The following TMEM72 variants were observed in gnomAD, a reference collection of about 807,000 sequenced individuals.
TMEM72 encodes the protein transmembrane protein 72.
Under a neutral mutation model 16.3 loss-of-function variants are expected in TMEM72, and 9 were observed. The ratio of observed to expected loss-of-function variants is 0.55; its 90% confidence interval spans 0.33 to 0.96. TMEM72 has a LOEUF of 0.96. Ranked by LOEUF, TMEM72 falls within the 40% of genes least tolerant of loss-of-function variation. The pLI is 0.03. For missense variants in TMEM72, 324 were observed against 337.8 expected (o/e 0.96, Z 0.32); for synonymous variants, 160 against 146.5 (o/e 1.09, Z -0.66).
At chr10:44,912,138 C>T (rs73277468) in intron 1 of TMEM72, among the ~76,000 whole-genome samples, 2,164 of 152,304 alleles carry the variant, frequency 0.014, 50 homozygotes, top group African/African-American at 0.048. Context: ...CCTGTAGGAA[C>T]CCAGACCCCT....
chr10:44,911,422 C>T lies in TMEM72; in HGVS notation c.-91C>T. 2 of 1,366,198 alleles carry T rather than the reference C, an allele frequency of 1.5e-6. No individual in the cohort carries two copies. Among genetic ancestry groups the T allele is most frequent in the Non-Finnish European group, 2.0e-6 (2 of 998,882 alleles). 84.6% of individuals were successfully genotyped at this position (1,366,198 alleles called of 1,614,324 possible). ...CCCGGTGTGCAGCCACAGCCAGCAG[C>T]CTCCTACCTACACAAGGGTGTTCGG... On this transcript the variant is annotated 5_prime_UTR_variant, in exon 1 of 5. Transcript: ENST00000389583.
chr10:44,919,564 G>C (rs1298136448), intron 1 of TMEM72, among the ~76,000 whole-genome samples: 1 of 152,122 alleles, frequency 6.6e-6, no homozygotes, highest in African/African-American at 2.4e-5. Flanking sequence ...AATATTTAGG[G>C]ATAAATCTGA....
At chr10:44,927,333 G>A (rs960681899) in intron 1 of TMEM72, among the ~76,000 whole-genome samples, 3 of 152,298 alleles carry the variant, frequency 2.0e-5, no homozygotes, top group African/African-American at 7.2e-5. Flanking sequence ...ACAGATGAAA[G>A]TTCAGCACTA....
intron 1 of TMEM72, among the ~76,000 whole-genome samples, chr10:44,925,300 T>G (rs901543823): frequency 6.6e-6 from 1 of 152,172 alleles, no homozygotes; most frequent in African/African-American, 2.4e-5. Context: ...TCAAAATAGC[T>G]CTCCACATGC....
At chr10:44,925,952 C>A (rs961466076) in intron 1 of TMEM72, among the ~76,000 whole-genome samples, 1 of 152,082 alleles carries the variant, frequency 6.6e-6, no homozygotes, top group African/African-American at 2.4e-5. Context: ...CACTTACACA[C>A]ACACTCACAC....
At chr10:44,932,189 G>GC (rs1274291964) in intron 3 of TMEM72, 120 bp downstream of exon 3, 4 of 1,213,874 alleles carry the variant, frequency 3.3e-6, no homozygotes, top group Admixed American at 2.1e-5. Context: ...GTGGACAGGA[G>GC]CCCCCCACCG....
Position 44,915,984 on chromosome 10 carries a change from C to T in TMEM72, c.70+4402C>T, listed in dbSNP as rs201291493. ...ATGCATTATGGTCATTGTCTCGCTC[C>T]AGCCCCACAAATGCCTGAGACGCTA... On this transcript the variant is annotated intron_variant, in intron 1 of 4. Transcript: ENST00000389583. Among the ~76,000 whole-genome samples, 7 of 152,286 alleles carry T rather than the reference C, an allele frequency of 4.6e-5. No homozygotes were observed. The East Asian group carries it at 1.4e-3, about 29-fold the overall frequency.
intron 1 of TMEM72, among the ~76,000 whole-genome samples, chr10:44,922,833 C>T (rs1201997727): frequency 4.6e-5 from 7 of 152,174 alleles, no homozygotes; most frequent in Admixed American, 3.3e-4. Context: ...TGCTGCAGGA[C>T]CCAGAAATGC....
chr10:44,931,988 C>G lies in TMEM72; in HGVS notation c.138-10C>G. 6.2e-7 allele frequency: 1 copy of G among 1,611,364 alleles called. No individual in the cohort carries two copies. Among genetic ancestry groups the G allele is most frequent in the Non-Finnish European group, 8.5e-7 (1 of 1,178,798 alleles). Reference sequence around the variant, plus strand: ...AGGCGCCAGCCTCCCTCACCTGTCTCCACCTGCAGGTTTACAGGAGCCGCT... The same window carrying G: ...AGGCGCCAGCCTCCCTCACCTGTCTGCACCTGCAGGTTTACAGGAGCCGCT... On this transcript the variant is annotated splice_polypyrimidine_tract_variant and intron_variant, in intron 2 of 4. Transcript: ENST00000389583.
At position 44,932,084 on chromosome 10, in the gene TMEM72, G is replaced by A; in HGVS notation, c.209+15G>A. 1 of 1,611,082 alleles carries A rather than the reference G, an allele frequency of 6.2e-7. No individual in the cohort carries two copies. The highest frequency in any genetic ancestry group is 8.5e-7 in the Non-Finnish European group (1 of 1,178,744). The stretch of plus-strand genomic sequence containing the variant: ...ATCTGCTTCCAGTAAGTAGTTTCCA[G>A]AGAGACCCCTCCATTGTCCACCCCA... On this transcript the variant is annotated intron_variant, in intron 3 of 4. Coordinates refer to ENST00000389583, the MANE Select transcript of TMEM72 (RefSeq NM_001123376.3).
At position 44,935,222 on chromosome 10, in the gene TMEM72, C is replaced by T. The variant is rs775189538; in HGVS notation, c.*88C>T. 1.5e-6 allele frequency: 2 copies of T among 1,338,472 alleles called. No individual in the cohort carries two copies. The highest frequency in any genetic ancestry group is 1.5e-5 in the African/African-American group (1 of 67,836). The allele number at this position is 1,338,472 out of a possible 1,614,324, so 82.9% of individuals were successfully genotyped here. ...GAGTTTCAGGGTCTTCTCTGGTCAG[C>T]TTTTCAAGGGGTAACCAGACACCCC... On this transcript the variant is annotated 3_prime_UTR_variant, in exon 5 of 5. Coordinates refer to ENST00000389583, the MANE Select transcript of TMEM72 (RefSeq NM_001123376.3).
At chr10:44,927,708 G>A (rs1038560784) in intron 1 of TMEM72, among the ~76,000 whole-genome samples, 8 of 152,202 alleles carry the variant, frequency 5.3e-5, no homozygotes, top group African/African-American at 1.9e-4. Flanking sequence ...GAAGACCTCT[G>A]GGCTTCTGCC....
rs988383980 is a variant in TMEM72, at chr10:44,936,064, T to C, written c.*930T>C. 2.6e-5 allele frequency: 4 copies of C among 151,906 alleles called. No homozygotes were observed. The highest frequency in any genetic ancestry group is 5.9e-5 in the Non-Finnish European group (4 of 67,992). 9.4% of individuals were successfully genotyped at this position (151,906 alleles called of 1,614,324 possible). A position where few individuals can be genotyped will look rare whatever the true frequency, so the allele number is the denominator to read the frequency against. On this transcript the variant is annotated 3_prime_UTR_variant, in exon 5 of 5. Transcript: ENST00000389583. Reference sequence around the variant, plus strand: ...AAGAAGAGGAGGGAAAATGGGAGGATAGGAGGAAGTGGGCAGGCAGGCAAG... The same window carrying C: ...AAGAAGAGGAGGGAAAATGGGAGGACAGGAGGAAGTGGGCAGGCAGGCAAG...
intron 4 of TMEM72, 59 bp downstream of exon 4, chr10:44,933,835 A>T: frequency 6.6e-7 from 1 of 1,524,792 alleles, no homozygotes; most frequent in Non-Finnish European, 8.8e-7. Context: ...GAGCAGGAGG[A>T]GCTGAGCCCC....
intron 1 of TMEM72, among the ~76,000 whole-genome samples, chr10:44,914,099 A>C (rs1839979024): frequency 6.6e-6 from 1 of 152,288 alleles, no homozygotes; most frequent in South Asian, 2.1e-4. Flanking sequence ...CTCTGCCAGC[A>C]TGTCAAGGCC....
rs1051159341 is a variant in TMEM72, at chr10:44,935,260, G to A, written c.*126G>A. Reference sequence around the variant, plus strand: ...AACCAGACACCCCCACACTGGCTGGGCCCCTGAGGCCATCAGGAGGTGTGA... The same window carrying A: ...AACCAGACACCCCCACACTGGCTGGACCCCTGAGGCCATCAGGAGGTGTGA... On this transcript the variant is annotated 3_prime_UTR_variant, in exon 5 of 5. Transcript: ENST00000389583. 1.9e-5 allele frequency: 17 copies of A among 876,226 alleles called. No homozygotes were observed. The African/African-American group carries it at 2.9e-4, about 15-fold the overall frequency. The allele number at this position is 876,226 out of a possible 1,614,324, so 54.3% of individuals were successfully genotyped here.
chr10:44,930,149 T>G (rs574531242), intron 2 of TMEM72, among the ~76,000 whole-genome samples: 1 of 152,158 alleles, frequency 6.6e-6, no homozygotes, highest in Admixed American at 6.5e-5. Context: ...CAGTCCAGCC[T>G]GGGGTCCCCT....
chr10:44,926,125 A>C (rs1840186304), intron 1 of TMEM72, among the ~76,000 whole-genome samples: 1 of 151,134 alleles, frequency 6.6e-6, no homozygotes, highest in African/African-American at 2.4e-5. Context: ...ACACACATAC[A>C]TACACTCACA....
chr10:44,933,789 G>C lies in TMEM72; in HGVS notation c.349+13G>C, dbSNP rs1484099999. On this transcript the variant is annotated intron_variant, in intron 4 of 4. Transcript: ENST00000389583. ...GTGACCATCCCAGGTAAGAGCACAG[G>C]GGTAGAGATATGCAGCCCCAGCACA... is the stretch of plus-strand genomic sequence containing the variant. The C allele has an allele frequency of 6.2e-7, 1 of 1,607,046 alleles. No individual in the cohort carries two copies. The highest frequency in any genetic ancestry group is 1.1e-5 in the South Asian group (1 of 90,720).
Sources: allele counts gnomAD v4.1 joint callset (sites outside exome capture counted in the v4.1 genomes callset), GRCh38; gene constraint gnomAD v4.1.1; transcripts MANE v1.5; gene names NCBI Gene and HGNC (gene_info 2026-07-23, HGNC 2026-07-21).